EXPH5: variants seen among roughly 807,000 people sequenced by gnomAD.
EXPH5 encodes the protein exophilin 5.
EXPH5 carries 42 observed loss-of-function variants against 41.1 expected under a neutral mutation model. The observed-to-expected ratio is 1.02, with a 90% CI of 0.80 to 1.32. The LOEUF is 1.32. Among genes scored for constraint, EXPH5 ranks in the 40% most tolerant of loss-of-function variants. The probability of loss-of-function intolerance (pLI) is 0.00; values close to 1 mark genes in which losing one functional copy is unlikely to be tolerated. For missense variants in EXPH5, 2,298 were observed against 2,314.5 expected (o/e 0.99, Z 0.15); for synonymous variants, 798 against 833.5 (o/e 0.96, Z 0.73).
chr11:108,581,936 C>T (rs1311411351), intron 1 of EXPH5, among the ~76,000 whole-genome samples: 3 of 152,130 alleles, frequency 2.0e-5, no homozygotes, highest in Non-Finnish European at 4.4e-5. Flanking sequence ...CACTGTCAAA[C>T]TCACTCATGA....
chr11:108,559,549 C>T (rs2094003378), intron 1 of EXPH5, among the ~76,000 whole-genome samples: 1 of 152,166 alleles, frequency 6.6e-6, no homozygotes, highest in South Asian at 2.1e-4. Flanking sequence ...GGCTTCTTTC[C>T]AAAGACAACT....
intron 4 of EXPH5, among the ~76,000 whole-genome samples, chr11:108,526,829 T>C (rs1256363210): frequency 1.3e-5 from 2 of 152,152 alleles, no homozygotes; most frequent in African/African-American, 4.8e-5. Context: ...ATCTTTAAAT[T>C]GGGGAGAATA....
At chr11:108,515,484 T>C (rs2093718679) in intron 5 of EXPH5, among the ~76,000 whole-genome samples, 1 of 152,224 alleles carries the variant, frequency 6.6e-6, no homozygotes. Flanking sequence ...TTAAATGATA[T>C]GCCAATGGTA....
the EXPH5 span, among the ~76,000 whole-genome samples, chr11:108,602,262 A>T: frequency 6.6e-6 from 1 of 152,188 alleles, no homozygotes; most frequent in Non-Finnish European, 1.5e-5. Flanking sequence ...TGTTCATTCC[A>T]TCATTCAACA....
At chr11:108,522,340 A>G (rs890694373) in intron 4 of EXPH5, among the ~76,000 whole-genome samples, 8 of 152,186 alleles carry the variant, frequency 5.3e-5, no homozygotes, top group Non-Finnish European at 7.3e-5. Flanking sequence ...GCAACTAAAC[A>G]TTGATTATTC....
upstream of EXPH5, among the ~76,000 whole-genome samples, chr11:108,597,554 A>G (rs865811448): frequency 6.6e-5 from 10 of 152,346 alleles, no homozygotes; most frequent in Middle Eastern, 3.4e-3. Context: ...AATTGAGCTA[A>G]ATTTAAAAAT....
intron 1 of EXPH5, among the ~76,000 whole-genome samples, chr11:108,590,077 T>G (rs1043380266): frequency 2.0e-5 from 3 of 152,224 alleles, no homozygotes; most frequent in African/African-American, 4.8e-5. Flanking sequence ...ATGAGAAATA[T>G]CCAAGAATTG....
chr11:108,509,119 G>A lies in EXPH5; in HGVS notation c.*418C>T, dbSNP rs929783643. 2.5e-5 allele frequency: 4 copies of A among 159,014 alleles called. No individual in the cohort carries two copies. Among genetic ancestry groups the A allele is most frequent in the Non-Finnish European group, 4.1e-5 (3 of 72,600 alleles). The allele number at this position is 159,014 out of a possible 1,614,324, so 9.9% of individuals were successfully genotyped here. On this transcript the variant is annotated 3_prime_UTR_variant, in exon 6 of 6. Coordinates refer to ENST00000265843, the MANE Select transcript of EXPH5 (RefSeq NM_015065.3). ...TTTAATGTCATGAGTATAGGGTGTG[G>A]ACCGGAAGAAGCAATACAGAGTTTC... is the stretch of plus-strand genomic sequence containing the variant.
chr11:108,525,154 C>T (rs765614164), intron 4 of EXPH5, among the ~76,000 whole-genome samples: 24 of 152,202 alleles, frequency 1.6e-4, no homozygotes, highest in Non-Finnish European at 3.1e-4. Flanking sequence ...GATTGTGAGG[C>T]CTCCCCAGCC....
intron 2 of EXPH5, among the ~76,000 whole-genome samples, chr11:108,540,783 C>T (rs777031780): frequency 6.6e-6 from 1 of 151,974 alleles, no homozygotes; most frequent in Non-Finnish European, 1.5e-5. Flanking sequence ...CCACCACCTT[C>T]CCTCCCTTCT....
chr11:108,554,781 G>A (rs555473862), intron 1 of EXPH5, among the ~76,000 whole-genome samples: 2 of 152,174 alleles, frequency 1.3e-5, no homozygotes, highest in South Asian at 2.1e-4. Context: ...AAAATTAGCC[G>A]GGCGTGGTGG....
chr11:108,580,857 C>T (rs75179240), intron 1 of EXPH5, among the ~76,000 whole-genome samples: 9,398 of 151,838 alleles, frequency 0.062, 772 homozygotes, highest in African/African-American at 0.19. Context: ...AAAAAGCTGA[C>T]GTCATAGAAG....
At chr11:108,600,914 A>G in the EXPH5 span, among the ~76,000 whole-genome samples, 2 of 152,232 alleles carry the variant, frequency 1.3e-5, no homozygotes, top group African/African-American at 2.4e-5. Flanking sequence ...CAAACAGGAT[A>G]ATGACACATA....
intron 1 of EXPH5, among the ~76,000 whole-genome samples, chr11:108,562,793 T>G (rs555154512): frequency 6.6e-6 from 1 of 152,080 alleles, no homozygotes; most frequent in Non-Finnish European, 1.5e-5. Flanking sequence ...TGAGATCCTG[T>G]CTCCATTTAA....
chr11:108,516,740 G>T (rs961827260), intron 5 of EXPH5, among the ~76,000 whole-genome samples: 5 of 152,124 alleles, frequency 3.3e-5, no homozygotes, highest in African/African-American at 9.7e-5. Context: ...AAGAAAAACT[G>T]ATCTTGAACA....
chr11:108,527,522 T>G (rs1395093443), intron 4 of EXPH5, among the ~76,000 whole-genome samples: 1 of 151,998 alleles, frequency 6.6e-6, no homozygotes, highest in African/African-American at 2.4e-5. Context: ...CTTCCAAAAC[T>G]CTCCATTTCT....
rs888194047 is a variant in EXPH5, at chr11:108,509,131, C to A, written c.*406G>T. ...AGTATAGGGTGTGGACCGGAAGAAG[C>A]AATACAGAGTTTCACAGTTGTGCTG... On this transcript the variant is annotated 3_prime_UTR_variant, in exon 6 of 6. Transcript: ENST00000265843. The A allele has an allele frequency of 1.7e-4, 27 of 160,470 alleles. No homozygotes were observed. The highest frequency in any genetic ancestry group is 1.2e-4 in the Admixed American group (2 of 16,444). The allele number at this position is 160,470 out of a possible 1,614,324, so 9.9% of individuals were successfully genotyped here. A position where few individuals can be genotyped will look rare whatever the true frequency, so the allele number is the denominator to read the frequency against.
intron 1 of EXPH5, among the ~76,000 whole-genome samples, chr11:108,549,927 C>T (rs141230688): frequency 6.6e-6 from 1 of 152,172 alleles, no homozygotes; most frequent in Non-Finnish European, 1.5e-5. Flanking sequence ...TACCTCTTTC[C>T]TAGTGGTTGT....
intron 5 of EXPH5, 44 bp from the exon 6 acceptor site, chr11:108,514,919 A>G (rs758583217): frequency 3.1e-6 from 4 of 1,300,928 alleles, no homozygotes; most frequent in Non-Finnish European, 3.0e-6. Context: ...ATGTTTTTAC[A>G]GTTTAATAAT....
Sources: gnomAD v4.1 joint callset for allele counts (sites outside exome capture counted in the v4.1 genomes callset) on GRCh38, gnomAD v4.1.1 for gene constraint, MANE v1.5 for transcripts, NCBI Gene and HGNC (gene_info 2026-07-23, HGNC 2026-07-21) for gene names.